EPN1: variants seen among roughly 807,000 people sequenced by gnomAD.
EPN1 encodes epsin-1.
In EPN1, 25 loss-of-function variants were observed where a neutral mutation model predicts 56.9. That is an observed-to-expected ratio of 0.44 (90% CI 0.32 to 0.61). EPN1 has a LOEUF of 0.61. EPN1 is among the 20% of genes least tolerant of loss of function. The pLI is 0.05. For synonymous variants in EPN1, 411 were observed against 361.8 expected (o/e 1.14, Z -1.54); for missense variants, 785 against 823.7 (o/e 0.95, Z 0.58).
Position 55,708,849 on chromosome 19 carries a change from G to A in EPN1, c.*13493G>A. The A allele has an allele frequency of 8.0e-7, 1 of 1,250,972 alleles. No homozygotes were observed. Among genetic ancestry groups the A allele is most frequent in the Admixed American group, 2.8e-5 (1 of 35,456 alleles). 77.5% of individuals were successfully genotyped at this position (1,250,972 alleles called of 1,614,324 possible). Reference sequence around the variant, plus strand: ...GTGCAATTACAGGATAGAGGTGCCAGGTGAAGGTCCCACTGTGGCCAAGGA... The same window carrying A: ...GTGCAATTACAGGATAGAGGTGCCAAGTGAAGGTCCCACTGTGGCCAAGGA... On this transcript the variant is annotated 3_prime_UTR_variant, in exon 11 of 11. Coordinates refer to ENST00000270460, the MANE Select transcript of EPN1 (RefSeq NM_001130072.2).
chr19:55,677,749 C>G, intron 1 of EPN1: 1 of 1,526,950 alleles, frequency 6.5e-7, no homozygotes, highest in African/African-American at 1.4e-5. Context: ...GTTCCCTGCT[C>G]CTGCCTCTGT....
At chr19:55,685,051 T>G (rs1986072223) in intron 2 of EPN1, among the ~76,000 whole-genome samples, 1 of 152,172 alleles carries the variant, frequency 6.6e-6, no homozygotes, top group Admixed American at 6.5e-5. Flanking sequence ...TCCCTCTCCA[T>G]CCCTCCCTCC....
In EPN1 at chr19:55,691,608, G is replaced by A. The variant is rs975977943; in HGVS notation, c.763-146G>A. On this transcript the variant is annotated intron_variant, in intron 6 of 10. Transcript: ENST00000270460. This position sits in a 1 kb window ranked among gnomAD's most constrained non-coding sequence, Gnocchi z 5.6. ...GAGGGAGGCCAGGTGGTGTGTTTGG[G>A]GCCTGCCTCCCTCTCACCCCTTATG... is the stretch of plus-strand genomic sequence containing the variant. The A allele has an allele frequency of 2.6e-5, 18 of 684,150 alleles. No individual in the cohort carries two copies. In the African/African-American group the frequency reaches 2.9e-4, roughly 11 times the overall value. The allele number at this position is 684,150 out of a possible 1,614,324, so 42.4% of individuals were successfully genotyped here.
chr19:55,688,139 G>A (rs1179817893), intron 3 of EPN1, among the ~76,000 whole-genome samples: 2 of 152,186 alleles, frequency 1.3e-5, no homozygotes, highest in Admixed American at 6.5e-5. Flanking sequence ...GGCGGGCCTA[G>A]GGCCTGGTTG....
intron 9 of EPN1, chr19:55,693,343 T>A: frequency 2.8e-6 from 1 of 360,676 alleles, no homozygotes. Flanking sequence ...ACTCTCCAGG[T>A]GTCTCAAAGA....
chr19:55,690,922 C>G (rs1215808400), intron 6 of EPN1, among the ~76,000 whole-genome samples: 2 of 152,202 alleles, frequency 1.3e-5, no homozygotes, highest in African/African-American at 4.8e-5. Flanking sequence ...AAGGGCTGCC[C>G]TGCTGGGGGA....
rs1177603444 is a variant in EPN1, at chr19:55,695,279, C to G, written c.1654C>G (p.Leu552Val). ...PGAPPTYISPLGGGPGLPPMM... is the reference protein window; with the variant it reads ...PGAPPTYISPVGGGPGLPPMM... ...AGCGCCACCCACGTACATCTCTCCC[C>G]TTGGCGGGGGCCCTGGCCTGCCCCC... Residue 552 changes from leucine to valine, a missense_variant, in exon 11 of 11, where the codon CTT becomes GTT. Physicochemically the swap from Leu to Val is conservative, Grantham distance 32. Transcript: ENST00000270460. This position sits in a 1 kb window ranked among gnomAD's most constrained non-coding sequence, Gnocchi z 4.4. 1 of 1,598,052 alleles carries G rather than the reference C, an allele frequency of 6.3e-7. No homozygotes were observed. Among genetic ancestry groups the G allele is most frequent in the African/African-American group, 1.3e-5 (1 of 74,550 alleles).
rs1985604604 is a variant in EPN1, at chr19:55,678,733, T to C, written c.106T>C (p.Ser36Pro). ...CACGAGCAATGACCCCTGGGGCCCA[T>C]CCAGCTCCCTCATGTCAGAGATTGC... The part of the protein sequence containing the change: ...EATSNDPWGP[S>P]SSLMSEIADL... The change falls in exon 2 of 11, where the codon TCC (serine) becomes CCC (proline). Residue 36 changes from serine (S) to proline (P), a missense_variant. Physicochemically the swap from Ser to Pro is moderately conservative, Grantham distance 74. Around this residue, in one of 2 missense-constraint regions of EPN1, gnomAD observed 135 missense variants for 218.7 expected, o/e 0.62. Transcript: ENST00000270460. 1 of 1,614,150 alleles carries C rather than the reference T, an allele frequency of 6.2e-7. No individual in the cohort carries two copies.
Position 55,709,199 on chromosome 19 carries a change from T to A in EPN1, c.*13843T>A. ...AATTTGAAAAACAAGCATGAATCTT[T>A]CCTATAGGATAGGAAGCCTCTGATT... On this transcript the variant is annotated 3_prime_UTR_variant, in exon 11 of 11. Coordinates refer to ENST00000270460, the MANE Select transcript of EPN1 (RefSeq NM_001130072.2). The A allele has an allele frequency of 2.0e-6, 1 of 508,462 alleles. No homozygotes were observed. The highest frequency in any genetic ancestry group is 3.3e-6 in the Non-Finnish European group (1 of 302,498). The allele number at this position is 508,462 out of a possible 1,614,324, so 31.5% of individuals were successfully genotyped here.
intron 2 of EPN1, chr19:55,680,878 A>C (rs1985770283): frequency 6.6e-6 from 1 of 152,440 alleles, no homozygotes; most frequent in South Asian, 2.1e-4. Context: ...CTGTTCTGGC[A>C]TGAGGGCGAG....
rs906534810 is a variant in EPN1 at position 55,688,791 on chromosome 19, C to T, written c.479-79C>T. 4.6e-6 allele frequency: 7 copies of T among 1,538,038 alleles called. No individual in the cohort carries two copies. The African/African-American group carries it at 5.5e-5, about 12-fold the overall frequency. On this transcript the variant is annotated intron_variant, in intron 3 of 10. Coordinates refer to ENST00000270460, the MANE Select transcript of EPN1 (RefSeq NM_001130072.2). ...GGGGGGTGGGGTTGGACACAGAAGC[C>T]CCCGTCTGTCTAGGCTATGGGGTTT...
At position 55,696,098 on chromosome 19, in the gene EPN1, C is replaced by G. The variant is rs1229175512; in HGVS notation, c.*742C>G. On this transcript the variant is annotated 3_prime_UTR_variant, in exon 11 of 11. Coordinates refer to ENST00000270460, the MANE Select transcript of EPN1 (RefSeq NM_001130072.2). ...CTGGGGTTCAGGGAGGAGAAGAATC[C>G]TGAGAGATGGCACATGTGCAACACA... 1 of 152,436 alleles carries G rather than the reference C, an allele frequency of 6.6e-6. No individual in the cohort carries two copies. The highest frequency in any genetic ancestry group is 1.5e-5 in the Non-Finnish European group (1 of 68,256). 9.4% of individuals were successfully genotyped at this position (152,436 alleles called of 1,614,324 possible).
chr19:55,707,091 G>C lies in EPN1; in HGVS notation c.*11735G>C, dbSNP rs1184011903. ...AGCTACTCAGGTGGCTGAGACAGGAGAATCACTTGAACCCAGGAGACGGAG... is the reference window on the plus strand; with the variant it reads ...AGCTACTCAGGTGGCTGAGACAGGACAATCACTTGAACCCAGGAGACGGAG... On this transcript the variant is annotated 3_prime_UTR_variant, in exon 11 of 11. Coordinates refer to ENST00000270460, the MANE Select transcript of EPN1 (RefSeq NM_001130072.2). The C allele has an allele frequency of 6.6e-6, 1 of 151,908 alleles. No homozygotes were observed. The highest frequency in any genetic ancestry group is 6.6e-5 in the Admixed American group (1 of 15,242). 9.4% of individuals were successfully genotyped at this position (151,908 alleles called of 1,614,324 possible).
chr19:55,675,844 A>G (rs958822371), intron 1 of EPN1, among the ~76,000 whole-genome samples: 1 of 151,764 alleles, frequency 6.6e-6, no homozygotes, highest in Non-Finnish European at 1.5e-5. Context: ...TTTTCTGCCT[A>G]TGGTGCAAAT....
rs1289880746 is a variant in EPN1 at position 55,707,130 on chromosome 19, G to C, written c.*11774G>C. The C allele has an allele frequency of 6.6e-6, 1 of 151,376 alleles. No individual in the cohort carries two copies. Among genetic ancestry groups the C allele is most frequent in the Non-Finnish European group, 1.5e-5 (1 of 67,946 alleles). 9.4% of individuals were successfully genotyped at this position (151,376 alleles called of 1,614,324 possible). On this transcript the variant is annotated 3_prime_UTR_variant, in exon 11 of 11. Coordinates refer to ENST00000270460, the MANE Select transcript of EPN1 (RefSeq NM_001130072.2). ...CAGGAGACGGAGGCTGCAGTGAGCC[G>C]AGATTGTGCCACTGCACTCCAGCCT... is the stretch of plus-strand genomic sequence containing the variant.
chr19:55,700,020 A>C lies in EPN1; in HGVS notation c.*4664A>C, dbSNP rs1275968421. On this transcript the variant is annotated 3_prime_UTR_variant, in exon 11 of 11. Coordinates refer to ENST00000270460, the MANE Select transcript of EPN1 (RefSeq NM_001130072.2). ...ACTGCAAGCTCCGCCTCCTGTGTTC[A>C]CGCCATTCTCCTGCCTCAGCCTCCC... 2.7e-5 allele frequency: 4 copies of C among 150,616 alleles called. No individual in the cohort carries two copies. The highest frequency in any genetic ancestry group is 5.9e-5 in the Non-Finnish European group (4 of 67,772). The allele number at this position is 150,616 out of a possible 1,614,324, so 9.3% of individuals were successfully genotyped here. A position where few individuals can be genotyped will look rare whatever the true frequency, so the allele number is the denominator to read the frequency against.
intron 1 of EPN1, among the ~76,000 whole-genome samples, chr19:55,676,310 T>G (rs1985421244): frequency 6.6e-6 from 1 of 152,230 alleles, no homozygotes; most frequent in South Asian, 2.1e-4. Flanking sequence ...TGGAGAACTT[T>G]GCCATATCCT....
chr19:55,680,160 G>A (rs1449708052), intron 2 of EPN1, among the ~76,000 whole-genome samples: 2 of 152,204 alleles, frequency 1.3e-5, no homozygotes, highest in East Asian at 3.8e-4. Context: ...GTGCCAGGCG[G>A]GGCTTGGGCT....
In EPN1 at chr19:55,702,351, G is replaced by A. The variant is rs1463565650; in HGVS notation, c.*6995G>A. 2.6e-5 allele frequency: 4 copies of A among 152,302 alleles called. No individual in the cohort carries two copies. Among genetic ancestry groups the A allele is most frequent in the African/African-American group, 9.6e-5 (4 of 41,452 alleles). The allele number at this position is 152,302 out of a possible 1,614,324, so 9.4% of individuals were successfully genotyped here. Reference sequence around the variant, plus strand: ...TGTGTGTGCTAAAAGGGGAGGGAGTGTTTCTGTGCCCATTCCCAGGCACCT... The same window carrying A: ...TGTGTGTGCTAAAAGGGGAGGGAGTATTTCTGTGCCCATTCCCAGGCACCT... On this transcript the variant is annotated 3_prime_UTR_variant, in exon 11 of 11. Transcript: ENST00000270460.
Sources: gnomAD v4.1 joint callset for allele counts (sites outside exome capture counted in the v4.1 genomes callset) on GRCh38, gnomAD v4.1.1 for gene constraint, gnomAD v4.1.1 regional missense constraint, Gnocchi (gnomAD v3.1) non-coding constraint, MANE v1.5 for transcripts, NCBI Gene and HGNC (gene_info 2026-07-23, HGNC 2026-07-21) for gene names.